The following ANK2 variants were observed in gnomAD, a reference collection of about 807,000 sequenced individuals.
ANK2 encodes ankyrin-2.
In ANK2, 83 loss-of-function variants were observed where a neutral mutation model predicts 360.5. That is an observed-to-expected ratio of 0.23 (90% CI 0.19 to 0.28). ANK2 has a LOEUF of 0.28. Ranked by LOEUF, ANK2 falls within the 10% of genes least tolerant of loss-of-function variation. The pLI is 1.00. For missense variants in ANK2, 4,201 were observed against 4,795.7 expected (o/e 0.88, Z 3.66); for synonymous variants, 1,740 against 1,759.5 (o/e 0.99, Z 0.28).
At chr4:112,848,858 T>C (rs986540538) in intron 1 of ANK2, among the ~76,000 whole-genome samples, 4 of 152,346 alleles carry the variant, frequency 2.6e-5, no homozygotes, top group East Asian at 1.9e-4. Flanking sequence ...TCCTTGGCTT[T>C]GACTTACCTT....
intron 2 of ANK2, among the ~76,000 whole-genome samples, chr4:113,035,600 A>C (rs1389683850): frequency 6.6e-6 from 1 of 151,638 alleles, no homozygotes; most frequent in Non-Finnish European, 1.5e-5. Flanking sequence ...AGATGAATTT[A>C]GGCAATAGTT....
chr4:112,954,268 TTCCTTCCTTTTC>T (rs944293271), intron 2 of ANK2, among the ~76,000 whole-genome samples: 1 of 135,752 alleles, frequency 7.4e-6, no homozygotes, highest in Non-Finnish European at 1.6e-5. Flanking sequence ...CCTACCTTCC[TTCCTTCCTTTTC>T]AATAACATGT....
At chr4:113,318,319 A>G (rs1357864604) in intron 25 of ANK2, among the ~76,000 whole-genome samples, 198 bp from the exon 26 acceptor site, 1 of 152,272 alleles carries the variant, frequency 6.6e-6, no homozygotes, top group Non-Finnish European at 1.5e-5. Flanking sequence ...ATGTAATCTT[A>G]TATAATCTAT....
intron 2 of ANK2, among the ~76,000 whole-genome samples, chr4:112,948,181 C>T (rs1248589548): frequency 1.3e-5 from 2 of 152,128 alleles, no homozygotes; most frequent in Non-Finnish European, 2.9e-5. Context: ...CAGGTCTGTG[C>T]CATCTGTCAT....
intron 1 of ANK2, among the ~76,000 whole-genome samples, chr4:112,893,509 T>C (rs1194220493): frequency 1.3e-5 from 2 of 152,118 alleles, no homozygotes; most frequent in Non-Finnish European, 2.9e-5. Flanking sequence ...TTTTTGACAT[T>C]ACTTTTAATG....
intron 4 of ANK2, chr4:113,213,911 A>G: frequency 1.7e-6 from 1 of 581,602 alleles, no homozygotes; most frequent in Non-Finnish European, 3.0e-6. Flanking sequence ...AAAGAGAACT[A>G]TGAATATAAA....
At chr4:112,761,415 T>C in the ANK2 span, among the ~76,000 whole-genome samples, 1 of 152,012 alleles carries the variant, frequency 6.6e-6, no homozygotes, top group South Asian at 2.1e-4. Context: ...GGTTAGGAGA[T>C]CGAGACCATC....
intron 16 of ANK2, 127 bp from the exon 17 acceptor site, chr4:113,278,333 T>C: frequency 1.2e-6 from 1 of 807,110 alleles, no homozygotes; most frequent in South Asian, 1.5e-5. Context: ...ATTTTCGTTC[T>C]TTTTTCTATT....
At chr4:112,996,822 G>GTTTTATTCATTATT (rs892589455) in intron 2 of ANK2, among the ~76,000 whole-genome samples, 2 of 151,926 alleles carry the variant, frequency 1.3e-5, no homozygotes, top group Non-Finnish European at 2.9e-5. Context: ...CAAATAATAG[G>GTTTTATTCATTATT]TTTTATTCAT....
the ANK2 span, among the ~76,000 whole-genome samples, chr4:112,748,761 T>G: frequency 6.6e-6 from 1 of 152,196 alleles, no homozygotes; most frequent in African/African-American, 2.4e-5. Flanking sequence ...TGGAGGACAT[T>G]TTGAAACACA....
chr4:112,713,775 C>CA, the ANK2 span, among the ~76,000 whole-genome samples: 96 of 143,550 alleles, frequency 6.7e-4, no homozygotes, highest in African/African-American at 2.0e-3. Flanking sequence ...ACTAAAAATG[C>CA]AAAAAAAAAT....
Position 113,315,025 on chromosome 4 carries a change from C to G in ANK2, c.2694-2682C>G, listed in dbSNP as rs554931484. 1.8e-4 allele frequency among the ~76,000 whole-genome samples: 28 copies of G among 152,054 alleles called. No individual in the cohort carries two copies. In the East Asian group the frequency reaches 5.0e-3, roughly 27 times the overall value. ...ATCCTAATATCTTTCTCTCTCTACT[C>G]TAATCAATTTTTTGTGATTATATAT... On this transcript the variant is annotated intron_variant, in intron 24 of 45. Transcript: ENST00000357077.
the ANK2 span, among the ~76,000 whole-genome samples, chr4:112,723,564 A>G: frequency 1.3e-5 from 2 of 152,116 alleles, no homozygotes; most frequent in Admixed American, 6.6e-5. Context: ...GGGTTTCACC[A>G]TATTGGCCAG....
chr4:113,341,584 CAAG>C (rs2094306849), intron 32 of ANK2, 101 bp from the exon 33 acceptor site: 1 of 1,213,790 alleles, frequency 8.2e-7, no homozygotes, highest in Non-Finnish European at 1.2e-6. Context: ...TCCTTTTTTC[CAAG>C]AAGCATTTGT....
the ANK2 span, among the ~76,000 whole-genome samples, chr4:112,742,246 G>A: frequency 1.6e-4 from 24 of 152,288 alleles, no homozygotes; most frequent in African/African-American, 4.3e-4. Context: ...CAGCCTGGGC[G>A]ACAGAGCGAG....
At chr4:113,226,775 G>A (rs1231878165) in intron 4 of ANK2, among the ~76,000 whole-genome samples, 1 of 152,072 alleles carries the variant, frequency 6.6e-6, no homozygotes, top group African/African-American at 2.4e-5. Context: ...ATGGACAGGA[G>A]TAATGTTCAA....
At chr4:113,216,423 T>C (rs554306612) in intron 4 of ANK2, among the ~76,000 whole-genome samples, 9 of 152,232 alleles carry the variant, frequency 5.9e-5, no homozygotes, top group Non-Finnish European at 1.0e-4. Flanking sequence ...AACACCCTGA[T>C]TCTTTACTTA....
At chr4:112,777,042 A>C in the ANK2 span, among the ~76,000 whole-genome samples, 3 of 152,196 alleles carry the variant, frequency 2.0e-5, no homozygotes, top group African/African-American at 7.2e-5. Flanking sequence ...ACTCTGAGAA[A>C]AATAAAAATA....
At chr4:112,855,588 T>C (rs1335075297) in intron 1 of ANK2, among the ~76,000 whole-genome samples, 6 of 152,242 alleles carry the variant, frequency 3.9e-5, no homozygotes, top group Admixed American at 2.6e-4. Flanking sequence ...TGATAGTAAC[T>C]AATACGTATC....
Sources: allele counts gnomAD v4.1 joint callset (sites outside exome capture counted in the v4.1 genomes callset), GRCh38; gene constraint gnomAD v4.1.1; transcripts MANE v1.5; gene names NCBI Gene and HGNC (gene_info 2026-07-23, HGNC 2026-07-21).